The following ERBB4 variants were observed in gnomAD, a reference collection of about 807,000 sequenced individuals.
ERBB4 encodes the protein erb-b2 receptor tyrosine kinase 4, also known as receptor tyrosine-protein kinase erbB-4.
In ERBB4, 42 loss-of-function variants were observed where a neutral mutation model predicts 158.0. The ratio of observed to expected loss-of-function variants is 0.27; its 90% CI spans 0.21 to 0.34. The LOEUF is 0.34. ERBB4 is among the 10% of genes least tolerant of loss of function. The pLI is 1.00. For synonymous variants in ERBB4, 583 were observed against 558.7 expected, an observed-to-expected ratio of 1.04 and a Z score of -0.61; for missense variants, 1,333 against 1,624.1, an observed-to-expected ratio of 0.82 and a Z score of 3.08.
At chr2:212,106,624 T>C (rs1364772992) in intron 2 of ERBB4, among the ~76,000 whole-genome samples, 3 of 152,220 alleles carry the variant, frequency 2.0e-5, no homozygotes, top group African/African-American at 4.8e-5. Context: ...AGCTGAATAA[T>C]AATCAGCAAG....
At chr2:212,060,254 A>G in intron 2 of ERBB4, among the ~76,000 whole-genome samples, 1 of 152,128 alleles carries the variant, frequency 6.6e-6, no homozygotes. Context: ...TCAAAACCAC[A>G]ATGAGATACC....
At chr2:211,525,828 G>A (rs2125649877) in intron 20 of ERBB4, among the ~76,000 whole-genome samples, 1 of 152,240 alleles carries the variant, frequency 6.6e-6, no homozygotes, top group South Asian at 2.1e-4. Context: ...TGGGCCTGTA[G>A]TGGTGGTGAC....
At chr2:211,718,872 C>G (rs948776880) in intron 7 of ERBB4, among the ~76,000 whole-genome samples, 4 of 152,158 alleles carry the variant, frequency 2.6e-5, no homozygotes, top group African/African-American at 9.7e-5. Context: ...TAGTGTCCAT[C>G]TATGATGCTG....
At chr2:211,493,089 G>A (rs1574601461) in intron 20 of ERBB4, among the ~76,000 whole-genome samples, 1 of 152,200 alleles carries the variant, frequency 6.6e-6, no homozygotes, top group East Asian at 1.9e-4. Flanking sequence ...CTAGATTATG[G>A]ATAATGAATG....
intron 1 of ERBB4, among the ~76,000 whole-genome samples, chr2:212,196,948 G>T (rs2082443959): frequency 6.6e-6 from 1 of 152,114 alleles, no homozygotes; most frequent in Non-Finnish European, 1.5e-5. Context: ...CCCGTGCTGG[G>T]TAGCAACCCA....
intron 1 of ERBB4, among the ~76,000 whole-genome samples, chr2:212,350,929 C>A (rs2106340425): frequency 6.6e-6 from 1 of 152,132 alleles, no homozygotes; most frequent in East Asian, 1.9e-4. Flanking sequence ...AAGCAAGGTG[C>A]AAATGGAAAA....
intron 1 of ERBB4, among the ~76,000 whole-genome samples, chr2:212,427,026 T>A (rs949856491): frequency 2.0e-5 from 3 of 152,176 alleles, no homozygotes; most frequent in African/African-American, 7.2e-5. Context: ...TATCTTCTTG[T>A]CATAGACAAC....
chr2:212,086,162 T>C (rs1259369631), intron 2 of ERBB4, among the ~76,000 whole-genome samples: 1 of 151,968 alleles, frequency 6.6e-6, no homozygotes, highest in African/African-American at 2.4e-5. Context: ...TTTGGGTATC[T>C]TAACTGAAGG....
At chr2:211,675,544 C>A (rs1327983933) in intron 13 of ERBB4, among the ~76,000 whole-genome samples, 1 of 151,832 alleles carries the variant, frequency 6.6e-6, no homozygotes, top group Non-Finnish European at 1.5e-5. Context: ...AGCATGTTGA[C>A]AGATATGGGA....
At chr2:211,743,397 C>T (rs1348870366) in intron 5 of ERBB4, among the ~76,000 whole-genome samples, 3 of 152,106 alleles carry the variant, frequency 2.0e-5, no homozygotes, top group East Asian at 3.9e-4. Flanking sequence ...AAAAGGAATG[C>T]GTAAAATGAA....
chr2:212,200,201 T>C (rs2082551158), intron 1 of ERBB4, among the ~76,000 whole-genome samples: 1 of 152,068 alleles, frequency 6.6e-6, no homozygotes, highest in African/African-American at 2.4e-5. Context: ...ATCATTCTAC[T>C]TTGAGGAATG....
chr2:212,367,048 G>A (rs933820766), intron 1 of ERBB4, among the ~76,000 whole-genome samples: 2 of 151,954 alleles, frequency 1.3e-5, no homozygotes, highest in African/African-American at 4.8e-5. Context: ...TGATAGGACT[G>A]GTGTCCTTAT....
chr2:212,381,040 T>C (rs1420752038), intron 1 of ERBB4, among the ~76,000 whole-genome samples: 1 of 151,404 alleles, frequency 6.6e-6, no homozygotes, highest in Non-Finnish European at 1.5e-5. Context: ...AAAACAATAG[T>C]ATCTTCACCG....
chr2:212,402,405 C>T (rs1246901579), intron 1 of ERBB4, among the ~76,000 whole-genome samples: 2 of 151,986 alleles, frequency 1.3e-5, no homozygotes, highest in African/African-American at 4.8e-5. Flanking sequence ...GTGAATAAAT[C>T]GATCCTTTCA....
intron 3 of ERBB4, among the ~76,000 whole-genome samples, chr2:211,884,360 A>G (rs1237464627): frequency 6.6e-6 from 1 of 152,160 alleles, no homozygotes; most frequent in Non-Finnish European, 1.5e-5. Flanking sequence ...TCCAACATCC[A>G]GTTCTCCTAC....
At chr2:211,821,606 A>G (rs2076995957) in intron 3 of ERBB4, among the ~76,000 whole-genome samples, 1 of 151,986 alleles carries the variant, frequency 6.6e-6, no homozygotes, top group Admixed American at 6.6e-5. Context: ...ACTTCAAAAT[A>G]TACTACAAAG....
chr2:212,133,425 T>A (rs948838199), intron 1 of ERBB4, among the ~76,000 whole-genome samples: 1 of 149,438 alleles, frequency 6.7e-6, no homozygotes, highest in Non-Finnish European at 1.5e-5. Context: ...TTGTTTTTGT[T>A]TTTTTTTTTG....
At position 212,133,404 on chromosome 2, in the gene ERBB4, T is replaced by G. The variant is rs111337308; in HGVS notation, c.83-8501A>C. Among the ~76,000 whole-genome samples, 995 of 123,374 alleles carry G rather than the reference T, an allele frequency of 8.1e-3. 7 individuals are homozygous for G. The highest frequency in any genetic ancestry group is 9.4e-3 in the Non-Finnish European group (585 of 62,530). 80.9% of individuals were successfully genotyped at this position (123,374 alleles called of 152,430 possible). ...TTTCTTTTCATTTTGGTGTTTTTTT[T>G]TTGTTTTGTTTTGTTTTTGTTTTTT... is the stretch of plus-strand genomic sequence containing the variant. On this transcript the variant is annotated intron_variant, in intron 1 of 27. Transcript: ENST00000342788.
intron 2 of ERBB4, among the ~76,000 whole-genome samples, chr2:212,119,901 T>C (rs12465933): frequency 0.41 from 62,847 of 152,048 alleles, 15,464 homozygotes; most frequent in Non-Finnish European, 0.55. Flanking sequence ...TAAAAGTGCA[T>C]CTTCAATTCA....
Sources: allele counts gnomAD v4.1 joint callset (sites outside exome capture counted in the v4.1 genomes callset), GRCh38; gene constraint gnomAD v4.1.1; transcripts MANE v1.5; gene names NCBI Gene and HGNC (gene_info 2026-07-23, HGNC 2026-07-21).